TNNI3K: variants seen among roughly 807,000 people sequenced by gnomAD.
TNNI3K encodes TNNI3 interacting kinase, also known as serine/threonine-protein kinase TNNI3K.
A neutral mutation model predicts 114.5 loss-of-function variants in TNNI3K; 140 were observed. The observed-to-expected ratio is 1.22, with a 90% CI of 1.07 to 1.41. The LOEUF is 1.41. Ranked by LOEUF, TNNI3K falls within the 40% of genes most tolerant of loss-of-function variation. The pLI is 0.00. For missense variants in TNNI3K, 1,125 were observed against 1,007.6 expected (o/e 1.12, Z -1.58); for synonymous variants, 347 against 347.5 (o/e 1.00, Z 0.02).
chr1:74,540,371 T>C, intron 24 of TNNI3K, 58 bp downstream of exon 24: 6 of 1,532,376 alleles, frequency 3.9e-6, no homozygotes, highest in Non-Finnish European at 5.3e-6. Context: ...AGGTGATGTC[T>C]ATTTGACAAA....
At chr1:74,358,061 C>T (rs1283635200) in intron 11 of TNNI3K, among the ~76,000 whole-genome samples, 2 of 152,106 alleles carry the variant, frequency 1.3e-5, no homozygotes, top group African/African-American at 4.8e-5. Context: ...GAACACATAG[C>T]TCAATAGTGT....
At chr1:74,513,585 C>A (rs1471753924) in intron 23 of TNNI3K, among the ~76,000 whole-genome samples, 1 of 152,166 alleles carries the variant, frequency 6.6e-6, no homozygotes, top group Non-Finnish European at 1.5e-5. Context: ...TCTGCTTCAT[C>A]CAGAGGCAGC....
At chr1:74,382,615 A>G (rs1458709414) in intron 17 of TNNI3K, among the ~76,000 whole-genome samples, 1 of 152,186 alleles carries the variant, frequency 6.6e-6, no homozygotes, top group Non-Finnish European at 1.5e-5. Flanking sequence ...CATGGAGGAA[A>G]GAGCATGCAA....
At chr1:74,414,651 A>G (rs1665035469) in intron 17 of TNNI3K, among the ~76,000 whole-genome samples, 1 of 152,218 alleles carries the variant, frequency 6.6e-6, no homozygotes, top group South Asian at 2.1e-4. Context: ...CTGTTCTGTC[A>G]TCATTGAACT....
rs115832940 is a variant in TNNI3K, at chr1:74,499,654, A to G, written c.2351+7388A>G. On this transcript the variant is annotated intron_variant, in intron 23 of 24. Transcript: ENST00000326637. ...GTAGATAAGAGGGGAGGGGGCTACT[A>G]CAATTTTTATACTCAGCTTGTATTT... Among the ~76,000 whole-genome samples, 1,388 of 152,234 alleles carry G rather than the reference A, an allele frequency of 9.1e-3. 24 individuals are homozygous for G. The highest frequency in any genetic ancestry group is 0.032 in the African/African-American group (1,342 of 41,546).
At chr1:74,268,272 A>G (rs553342319) in intron 4 of TNNI3K, among the ~76,000 whole-genome samples, 27 of 152,050 alleles carry the variant, frequency 1.8e-4, no homozygotes, top group Admixed American at 5.3e-4. Flanking sequence ...ATCTGCAGGG[A>G]AAATGTTTTA....
At chr1:74,409,563 G>T (rs1460734094) in intron 17 of TNNI3K, among the ~76,000 whole-genome samples, 1 of 141,432 alleles carries the variant, frequency 7.1e-6, no homozygotes, top group Non-Finnish European at 1.5e-5. Context: ...GCACCATCTC[G>T]GCTCACTGCA....
intron 23 of TNNI3K, among the ~76,000 whole-genome samples, chr1:74,526,988 G>A (rs140245654): frequency 6.6e-6 from 1 of 152,304 alleles, no homozygotes; most frequent in African/African-American, 2.4e-5. Flanking sequence ...GGTCCACAAA[G>A]CCTAAAATAT....
intron 6 of TNNI3K, among the ~76,000 whole-genome samples, chr1:74,332,866 T>C (rs1046300051): frequency 6.6e-6 from 1 of 151,618 alleles, no homozygotes; most frequent in African/African-American, 2.4e-5. Flanking sequence ...TCTGCTGATT[T>C]TCAACCTTAA....
intron 21 of TNNI3K, chr1:74,475,870 C>CA: frequency 1.9e-6 from 1 of 537,018 alleles, no homozygotes; most frequent in Non-Finnish European, 3.4e-6. Flanking sequence ...CATAAATCAT[C>CA]AAATGTAAAA....
In TNNI3K at chr1:74,396,252, C is replaced by G. The variant is rs1664074409; in HGVS notation, c.1772+25860C>G. 2.6e-5 allele frequency among the ~76,000 whole-genome samples: 4 copies of G among 152,088 alleles called. No individual in the cohort carries two copies. The South Asian group carries it at 8.3e-4, about 31-fold the overall frequency. On this transcript the variant is annotated intron_variant, in intron 17 of 24. Coordinates refer to ENST00000326637, the MANE Select transcript of TNNI3K (RefSeq NM_015978.3). ...GCTAAACCCAATGCTCCTTTAAACCCTTATCCAAACTTGAGGAAAGAATTA... is the reference window on the plus strand; with the variant it reads ...GCTAAACCCAATGCTCCTTTAAACCGTTATCCAAACTTGAGGAAAGAATTA...
chr1:74,299,049 G>T (rs548412744), intron 5 of TNNI3K, among the ~76,000 whole-genome samples: 1 of 152,050 alleles, frequency 6.6e-6, no homozygotes, highest in Non-Finnish European at 1.5e-5. Context: ...ATTAAGACTT[G>T]ATATTCTTCC....
intron 17 of TNNI3K, among the ~76,000 whole-genome samples, chr1:74,402,835 A>G (rs1021281160): frequency 6.6e-6 from 1 of 152,194 alleles, no homozygotes; most frequent in African/African-American, 2.4e-5. Context: ...GTGGCCTAAC[A>G]CAAATGTGTA....
chr1:74,508,242 C>A (rs1044055991), intron 23 of TNNI3K, among the ~76,000 whole-genome samples: 1 of 152,126 alleles, frequency 6.6e-6, no homozygotes, highest in Non-Finnish European at 1.5e-5. Flanking sequence ...CAAACCTGCA[C>A]CTTGTGCACA....
intron 20 of TNNI3K, among the ~76,000 whole-genome samples, chr1:74,451,412 T>G (rs1335503208): frequency 6.6e-6 from 1 of 152,046 alleles, no homozygotes; most frequent in Admixed American, 6.6e-5. Flanking sequence ...TAAAATAAAA[T>G]GAATCAATGT....
At chr1:74,370,487 T>A in intron 17 of TNNI3K, 95 bp downstream of exon 17, 2 of 1,073,130 alleles carry the variant, frequency 1.9e-6, no homozygotes, top group Non-Finnish European at 2.6e-6. Flanking sequence ...TTATTGCAGA[T>A]CAGGGTACTC....
At chr1:74,465,956 C>A (rs1667660810) in intron 21 of TNNI3K, among the ~76,000 whole-genome samples, 1 of 152,162 alleles carries the variant, frequency 6.6e-6, no homozygotes, top group Non-Finnish European at 1.5e-5. Flanking sequence ...TGGTCATCTT[C>A]TGTATTGTGG....
At chr1:74,513,376 T>A (rs1646294214) in intron 23 of TNNI3K, among the ~76,000 whole-genome samples, 1 of 152,162 alleles carries the variant, frequency 6.6e-6, no homozygotes, top group African/African-American at 2.4e-5. Flanking sequence ...GGGGCACTGG[T>A]AGTAGGAGTT....
intron 19 of TNNI3K, among the ~76,000 whole-genome samples, chr1:74,438,510 T>A (rs1666235472): frequency 6.6e-6 from 1 of 152,034 alleles, no homozygotes; most frequent in Non-Finnish European, 1.5e-5. Context: ...TAAAGTGCAA[T>A]GAGGATTTAG....
Sources: gnomAD v4.1 joint callset for allele counts (sites outside exome capture counted in the v4.1 genomes callset) on GRCh38, gnomAD v4.1.1 for gene constraint, MANE v1.5 for transcripts, NCBI Gene and HGNC (gene_info 2026-07-23, HGNC 2026-07-21) for gene names.